SHISA9: variants seen among roughly 807,000 people sequenced by gnomAD.
SHISA9 encodes the protein protein shisa-9.
SHISA9 carries 13 observed loss-of-function variants against 38.0 expected under a neutral mutation model. The observed-to-expected ratio is 0.34, with a 90% CI of 0.22 to 0.54. The LOEUF (loss-of-function observed/expected upper bound fraction) is 0.54, where lower values mean the gene tolerates loss of function less well. SHISA9 is among the 20% of genes least tolerant of loss of function. The pLI, the probability that SHISA9 is intolerant of heterozygous loss-of-function variation, is 0.91. For missense variants in SHISA9, 538 were observed against 575.8 expected, an observed-to-expected ratio of 0.93 and a Z score of 0.67; for synonymous variants, 275 against 242.0, an observed-to-expected ratio of 1.14 and a Z score of -1.27.
chr16:13,189,481 C>A (rs7187047), intron 2 of SHISA9, among the ~76,000 whole-genome samples: 23,706 of 152,208 alleles, frequency 0.16, 2,306 homozygotes, highest in African/African-American at 0.26. Flanking sequence ...CTTCTCTGAG[C>A]TTTGGTTTCC....
At position 13,238,134 on chromosome 16, in the gene SHISA9, T is replaced by C. The variant is rs887577701; in HGVS notation, c.*2725T>C. The C allele has an allele frequency of 3.3e-5, 5 of 152,112 alleles. No individual in the cohort carries two copies. Among genetic ancestry groups the C allele is most frequent in the African/African-American group, 1.2e-4 (5 of 41,408 alleles). 9.4% of individuals were successfully genotyped at this position (152,112 alleles called of 1,614,324 possible). The stretch of plus-strand genomic sequence containing the variant: ...CTTTCTTTCTCTCTCCATCTCTCTG[T>C]TTCTGTTTCTCTCTCTCTCTTAAAA... On this transcript the variant is annotated 3_prime_UTR_variant, in exon 5 of 5. Transcript: ENST00000558583.
chr16:13,328,921 A>G, the SHISA9 span, among the ~76,000 whole-genome samples: 1 of 152,102 alleles, frequency 6.6e-6, no homozygotes, highest in African/African-American at 2.4e-5. Context: ...TTTTTCCCTA[A>G]CAAGGAGCAC....
rs529449781 is a variant in SHISA9 at position 13,069,970 on chromosome 16, A to G, written c.692-133424A>G. 9.1e-4 allele frequency among the ~76,000 whole-genome samples: 139 copies of G among 152,202 alleles called. 1 individual carries two copies. The highest frequency in any genetic ancestry group is 6.8e-3 in the Middle Eastern group (2 of 294). On this transcript the variant is annotated intron_variant, in intron 2 of 4. Transcript: ENST00000558583. ...CCGGCCTGCAGAACGGTGGGAAATC[A>G]ATTTCTGTTATAAGCCACCCAGGCT...
chr16:13,390,944 T>G, the SHISA9 span, among the ~76,000 whole-genome samples: 607 of 152,330 alleles, frequency 4.0e-3, 8 homozygotes, highest in Middle Eastern at 0.051. Context: ...CGTAACACTT[T>G]GGCTGCTGAA....
chr16:13,220,738 C>T lies in SHISA9; in HGVS notation c.895+7438C>T, dbSNP rs141472686. ...TGAGTGGATGCAGTTCCATCCAGAA[C>T]CCTGTGTGGGAATCGGTGGGAGGGG... On this transcript the variant is annotated intron_variant, in intron 4 of 4. Coordinates refer to ENST00000558583, the MANE Select transcript of SHISA9 (RefSeq NM_001145204.3). Among the ~76,000 whole-genome samples the T allele has an allele frequency of 6.4e-3, 980 of 152,272 alleles. 12 individuals are homozygous for T. Among genetic ancestry groups the T allele is most frequent in the South Asian group, 0.016 (78 of 4,820 alleles).
At chr16:13,187,589 C>A (rs1165382788) in intron 2 of SHISA9, among the ~76,000 whole-genome samples, 1 of 152,042 alleles carries the variant, frequency 6.6e-6, no homozygotes, top group East Asian at 1.9e-4. Flanking sequence ...CCCACCCCTG[C>A]CTCCCAAAGT....
intron 2 of SHISA9, among the ~76,000 whole-genome samples, chr16:13,118,730 C>CTTTTTTTT (rs34471353): frequency 1.5e-5 from 2 of 130,760 alleles, no homozygotes; most frequent in Non-Finnish European, 3.2e-5. Flanking sequence ...TTTCTTTTTT[C>CTTTTTTTT]TTTTTTTTTT....
chr16:13,514,587 G>T, the SHISA9 span, among the ~76,000 whole-genome samples: 1 of 152,078 alleles, frequency 6.6e-6, no homozygotes, highest in Non-Finnish European at 1.5e-5. Context: ...AACAGAAGAT[G>T]AGACACTACA....
At chr16:13,175,196 G>C (rs962158522) in intron 2 of SHISA9, among the ~76,000 whole-genome samples, 1 of 150,410 alleles carries the variant, frequency 6.6e-6, no homozygotes, top group East Asian at 2.0e-4. Context: ...GTGAGACCCC[G>C]TCTCTCCAAA....
chr16:13,493,572 A>G, the SHISA9 span, among the ~76,000 whole-genome samples: 6 of 152,206 alleles, frequency 3.9e-5, no homozygotes, highest in Non-Finnish European at 2.9e-5. Context: ...TATTGACCCA[A>G]TGCCCCAAAT....
chr16:12,948,104 G>A (rs147611800), intron 2 of SHISA9, among the ~76,000 whole-genome samples: 1 of 152,268 alleles, frequency 6.6e-6, no homozygotes, highest in Non-Finnish European at 1.5e-5. Context: ...CAGGATTTGT[G>A]TTTAAGGTGC....
At chr16:13,037,113 C>G (rs867859143) in intron 2 of SHISA9, among the ~76,000 whole-genome samples, 2,162 of 90,046 alleles carry the variant, frequency 0.024, 43 homozygotes, top group African/African-American at 0.067. Flanking sequence ...CACACAGACA[C>G]ACACACACAC....
the SHISA9 span, among the ~76,000 whole-genome samples, chr16:13,512,748 A>G: frequency 6.6e-6 from 1 of 152,218 alleles, no homozygotes. Flanking sequence ...GACAAAAACA[A>G]GCAATGGGAA....
At chr16:12,995,874 T>C (rs1183833322) in intron 2 of SHISA9, among the ~76,000 whole-genome samples, 2 of 152,186 alleles carry the variant, frequency 1.3e-5, no homozygotes, top group African/African-American at 2.4e-5. Flanking sequence ...GCTTTCATAA[T>C]AGTGGTCACT....
the SHISA9 span, among the ~76,000 whole-genome samples, chr16:13,383,381 A>T: frequency 6.6e-6 from 1 of 152,250 alleles, no homozygotes; most frequent in African/African-American, 2.4e-5. Flanking sequence ...CAGATCTGAT[A>T]TGGAATGATC....
At chr16:13,087,671 T>C (rs2073728343) in intron 2 of SHISA9, among the ~76,000 whole-genome samples, 1 of 152,044 alleles carries the variant, frequency 6.6e-6, no homozygotes, top group South Asian at 2.1e-4. Context: ...TTTGATGGGG[T>C]TGTTTGTTTA....
chr16:13,277,697 T>A, the SHISA9 span, among the ~76,000 whole-genome samples: 1 of 151,976 alleles, frequency 6.6e-6, no homozygotes, highest in South Asian at 2.1e-4. Context: ...TAAAAGGGGT[T>A]GAGTTCTTGA....
chr16:13,401,553 A>G, the SHISA9 span, among the ~76,000 whole-genome samples: 1 of 152,168 alleles, frequency 6.6e-6, no homozygotes, highest in East Asian at 1.9e-4. Flanking sequence ...TAAACAAGTC[A>G]TAAGCATGGG....
the SHISA9 span, among the ~76,000 whole-genome samples, chr16:13,264,427 C>T: frequency 6.6e-6 from 1 of 152,082 alleles, no homozygotes; most frequent in Non-Finnish European, 1.5e-5. Context: ...CCCCCCTCGG[C>T]TTCCCAAAGT....
Sources: allele counts gnomAD v4.1 joint callset (sites outside exome capture counted in the v4.1 genomes callset), GRCh38; gene constraint gnomAD v4.1.1; transcripts MANE v1.5; gene names NCBI Gene and HGNC (gene_info 2026-07-23, HGNC 2026-07-21).